Variants in ELFN1 observed in about 807,000 individuals in gnomAD.
ELFN1 encodes the protein protein ELFN1.
Under a neutral mutation model 7.6 loss-of-function variants are expected in ELFN1, and 6 were observed. The observed-to-expected ratio is 0.79, with a 90% CI of 0.43 to 1.56. ELFN1 has a LOEUF of 1.56. Ranked by LOEUF, ELFN1 falls within the 40% of genes most tolerant of loss-of-function variation. ELFN1 has a pLI of 0.01. For synonymous variants in ELFN1, 657 were observed against 588.1 expected, an observed-to-expected ratio of 1.12 and a Z score of -1.70; for missense variants, 1,169 against 1,232.2, an observed-to-expected ratio of 0.95 and a Z score of 0.77.
intron 1 of ELFN1, among the ~76,000 whole-genome samples, chr7:1,682,351 C>G (rs1445842021): frequency 6.6e-6 from 1 of 152,208 alleles, no homozygotes; most frequent in Non-Finnish European, 1.5e-5. Flanking sequence ...CTTTTCTGCA[C>G]TACATCTTAT....
rs369159235 is a variant in ELFN1, at chr7:1,727,518, C to A, written c.-293-16786C>A. On this transcript the variant is annotated intron_variant, in intron 3 of 3. Transcript: ENST00000424383. ...TCCTGGGCTGCCCTAGAAGGGTAGC[C>A]CCAAGCTGTCTCCCCAGCCCCACTC... Among the ~76,000 whole-genome samples the A allele has an allele frequency of 1.1e-3, 170 of 152,222 alleles. 5 individuals are homozygous for A. In the South Asian group the frequency reaches 0.035, roughly 31 times the overall value.
At chr7:1,684,883 G>A (rs557739458) in intron 1 of ELFN1, among the ~76,000 whole-genome samples, 134 of 152,218 alleles carry the variant, frequency 8.8e-4, no homozygotes, top group Admixed American at 1.6e-3. Context: ...TTAAGGGAAG[G>A]AAAGAGAAAG....
intron 3 of ELFN1, among the ~76,000 whole-genome samples, chr7:1,722,219 C>G (rs1294846424): frequency 1.3e-5 from 2 of 151,218 alleles, no homozygotes; most frequent in Non-Finnish European, 2.9e-5. Context: ...GCCTCTTTTT[C>G]TAAAGTTCAT....
At chr7:1,700,326 C>G (rs750642986) in intron 2 of ELFN1, among the ~76,000 whole-genome samples, 56 of 152,342 alleles carry the variant, frequency 3.7e-4, no homozygotes, top group Admixed American at 9.8e-4. Context: ...GCTGGCGGCC[C>G]TCAGAGGCTT....
chr7:1,684,978 C>A (rs1261935867), intron 1 of ELFN1, among the ~76,000 whole-genome samples: 2 of 152,040 alleles, frequency 1.3e-5, no homozygotes, highest in African/African-American at 4.8e-5. Context: ...TTTGAATTAC[C>A]ATCTGACATT....
intron 1 of ELFN1, among the ~76,000 whole-genome samples, chr7:1,674,169 G>A (rs1009566224): frequency 1.3e-5 from 2 of 149,946 alleles, no homozygotes; most frequent in East Asian, 2.0e-4. Flanking sequence ...GGGCCATGAG[G>A]GGTGCCCAGG....
At chr7:1,708,767 G>A (rs1027945558) in intron 2 of ELFN1, among the ~76,000 whole-genome samples, 5 of 152,200 alleles carry the variant, frequency 3.3e-5, no homozygotes, top group South Asian at 2.1e-4. Context: ...CTGGGCCACC[G>A]CCAAGTGACT....
intron 2 of ELFN1, among the ~76,000 whole-genome samples, chr7:1,698,037 T>G (rs1779355257): frequency 6.6e-6 from 1 of 152,222 alleles, no homozygotes; most frequent in Admixed American, 6.5e-5. Flanking sequence ...AGACTTTCTT[T>G]TCTCTTTCTA....
Position 1,735,062 on chromosome 7 carries a change from G to A in ELFN1, c.-293-9242G>A, listed in dbSNP as rs1011055007. Reference sequence around the variant, plus strand: ...CCTTCCTGGGCCTTGCCGTGGGGGAGTCTCAACTTCCTGGCTAGACTTTCC... The same window carrying A: ...CCTTCCTGGGCCTTGCCGTGGGGGAATCTCAACTTCCTGGCTAGACTTTCC... On this transcript the variant is annotated intron_variant, in intron 3 of 3. Coordinates refer to ENST00000424383, the MANE Select transcript of ELFN1 (RefSeq NM_001128636.4). This position sits in a 1 kb window ranked among gnomAD's most constrained non-coding sequence, Gnocchi z 5.9. 1.1e-4 allele frequency among the ~76,000 whole-genome samples: 16 copies of A among 152,166 alleles called. No individual in the cohort carries two copies. Among genetic ancestry groups the A allele is most frequent in the Non-Finnish European group, 1.2e-4 (8 of 68,024 alleles).
At position 1,745,945 on chromosome 7, in the gene ELFN1, A is replaced by G; in HGVS notation, c.1349A>G (p.His450Arg). Residue 450 changes from histidine to arginine, a missense_variant, in exon 4 of 4, where the codon CAC (histidine) becomes CGC (arginine). By Grantham distance (29) the His-to-Arg change is conservative. Coordinates refer to ENST00000424383, the MANE Select transcript of ELFN1 (RefSeq NM_001128636.4). ...AGGCGGCGGCGCCAGGAGGAGAAGC[A>G]CAAGAAGGCCGCCTCGGCAGCCGCA... ...LRRRRRQEEK[H>R]KKAASAAAAG... 2 of 1,554,810 alleles carry G rather than the reference A, an allele frequency of 1.3e-6. No homozygotes were observed. The highest frequency in any genetic ancestry group is 8.7e-7 in the Non-Finnish European group (1 of 1,150,406).
chr7:1,717,112 T>C (rs905021474), intron 3 of ELFN1, among the ~76,000 whole-genome samples: 1 of 152,148 alleles, frequency 6.6e-6, no homozygotes, highest in African/African-American at 2.4e-5. Flanking sequence ...AGCCTCTCCG[T>C]AACACCACAG....
At chr7:1,732,779 G>T (rs1175683383) in intron 3 of ELFN1, among the ~76,000 whole-genome samples, 2 of 152,162 alleles carry the variant, frequency 1.3e-5, no homozygotes, top group East Asian at 3.9e-4. Context: ...TCCAGGCTGT[G>T]GCAGTAGCTT....
At chr7:1,685,248 T>C (rs886264486) in intron 1 of ELFN1, among the ~76,000 whole-genome samples, 5 of 152,224 alleles carry the variant, frequency 3.3e-5, no homozygotes, top group Admixed American at 6.5e-5. Flanking sequence ...CCTTTATTTG[T>C]CTTTCAACAG....
At position 1,719,340 on chromosome 7, in the gene ELFN1, C is replaced by CCCACCAACAGGACCCAAG. The variant is rs2128591857; in HGVS notation, c.-294+10099_-294+10100insACCCAAGCCACCAACAGG. Among the ~76,000 whole-genome samples, 7 of 127,974 alleles carry CCCACCAACAGGACCCAAG rather than the reference C, an allele frequency of 5.5e-5. 1 individual carries two copies. Among genetic ancestry groups the CCCACCAACAGGACCCAAG allele is most frequent in the African/African-American group, 2.4e-4 (6 of 25,528 alleles). The allele number at this position is 127,974 out of a possible 152,430, so 84.0% of individuals were successfully genotyped here. A position where few individuals can be genotyped will look rare whatever the true frequency, so the allele number is the denominator to read the frequency against. On this transcript the variant is annotated intron_variant, in intron 3 of 3. Transcript: ENST00000424383. ...GACCCAAGCCACCAACAGGGCCCCG[C>CCCACCAACAGGACCCAAG]CCACCAACAGGGCCCCGCCCACCAA...
chr7:1,698,221 C>T (rs1321951348), intron 2 of ELFN1, among the ~76,000 whole-genome samples: 2 of 152,334 alleles, frequency 1.3e-5, no homozygotes, highest in East Asian at 3.9e-4. Context: ...AAGCAAATTT[C>T]AAGCCTCATT....
Position 1,735,304 on chromosome 7 carries a change from C to T in ELFN1, c.-293-9000C>T, listed in dbSNP as rs1780415387. On this transcript the variant is annotated intron_variant, in intron 3 of 3. Coordinates refer to ENST00000424383, the MANE Select transcript of ELFN1 (RefSeq NM_001128636.4). This position sits in a 1 kb window ranked among gnomAD's most constrained non-coding sequence, Gnocchi z 5.9. The stretch of plus-strand genomic sequence containing the variant: ...AGCTTCCATGAGTCGTGTGGATGGC[C>T]CAAGGTCACATGGTAAGGTCGTCAG... Among the ~76,000 whole-genome samples the T allele has an allele frequency of 6.6e-6, 1 of 152,076 alleles. No individual in the cohort carries two copies. Among genetic ancestry groups the T allele is most frequent in the African/African-American group, 2.4e-5 (1 of 41,414 alleles).
rs114999428 is a variant in ELFN1 at position 1,694,587 on chromosome 7, G to C, written c.-456+6437G>C. 6.1e-3 allele frequency among the ~76,000 whole-genome samples: 926 copies of C among 152,310 alleles called. 10 individuals are homozygous for C. The highest frequency in any genetic ancestry group is 0.021 in the African/African-American group (868 of 41,578). ...ATGCCCCTAGAAGCAGATCCCAGGGGTACCCCCCACCTCCCTGAGACAGGA... is the reference window on the plus strand; with the variant it reads ...ATGCCCCTAGAAGCAGATCCCAGGGCTACCCCCCACCTCCCTGAGACAGGA... On this transcript the variant is annotated intron_variant, in intron 2 of 3. Transcript: ENST00000424383.
chr7:1,737,145 A>G (rs1044227595), intron 3 of ELFN1, among the ~76,000 whole-genome samples: 3 of 151,774 alleles, frequency 2.0e-5, no homozygotes, highest in Admixed American at 6.6e-5. Context: ...CTCCTTCCCT[A>G]ACTCCTACTC....
intron 2 of ELFN1, among the ~76,000 whole-genome samples, chr7:1,708,467 C>T (rs1779583379): frequency 6.6e-6 from 1 of 152,216 alleles, no homozygotes; most frequent in African/African-American, 2.4e-5. Context: ...AGGCTTCTGC[C>T]TCCTGACTTA....
Sources: gnomAD v4.1 joint callset for allele counts (sites outside exome capture counted in the v4.1 genomes callset) on GRCh38, gnomAD v4.1.1 for gene constraint, Gnocchi (gnomAD v3.1) non-coding constraint, MANE v1.5 for transcripts, NCBI Gene and HGNC (gene_info 2026-07-23, HGNC 2026-07-21) for gene names.